The following GORASP1 variants were observed in gnomAD, a reference collection of about 807,000 sequenced individuals.
GORASP1 encodes the protein Golgi reassembly-stacking protein 1.
In GORASP1, 31 loss-of-function variants were observed where a neutral mutation model predicts 37.7. The observed-to-expected ratio is 0.82, with a 90% CI of 0.62 to 1.11. The LOEUF is 1.11. Ranked by LOEUF, GORASP1 falls within the 50% of genes least tolerant of loss-of-function variation. The pLI is 0.00. For missense variants in GORASP1, 476 were observed against 560.7 expected (o/e 0.85, Z 1.53); for synonymous variants, 204 against 224.8 (o/e 0.91, Z 0.83).
chr3:39,101,077 G>T lies in GORASP1; in HGVS notation c.374C>A (p.Ala125Asp). 6.2e-7 allele frequency: 1 copy of T among 1,614,146 alleles called. No homozygotes were observed. Among genetic ancestry groups the T allele is most frequent in the South Asian group, 1.1e-5 (1 of 91,084 alleles). The change falls in exon 4 of 9, where the codon GCC becomes GAC. Residue 125 changes from alanine (A) to aspartate (D), a missense_variant. Transcript: ENST00000319283. ...VLDVEPSSPAALAGLRPYTDY... is the reference protein window; with the variant it reads ...VLDVEPSSPADLAGLRPYTDY... Reference sequence around the variant, plus strand: ...TGTGTAGGGGCGCAGGCCGGCAAGGGCAGCAGGTGAAGATGGTTCCACATC... The same window carrying T: ...TGTGTAGGGGCGCAGGCCGGCAAGGTCAGCAGGTGAAGATGGTTCCACATC...
chr3:39,100,938 A>G lies in GORASP1; in HGVS notation c.436-61T>C. 1 of 1,613,682 alleles carries G rather than the reference A, an allele frequency of 6.2e-7. No homozygotes were observed. Among genetic ancestry groups the G allele is most frequent in the South Asian group, 1.1e-5 (1 of 91,080 alleles). ...AGGGCTAAAGCCTCAACAAAACCAG[A>G]CACTTCTCATGGACAGCACCCTTCT... On this transcript the variant is annotated intron_variant, in intron 4 of 8. Coordinates refer to ENST00000319283, the MANE Select transcript of GORASP1 (RefSeq NM_031899.4). The surrounding 1 kb of genome is among the most constrained non-coding windows in gnomAD (Gnocchi z 4.6).
Position 39,098,523 on chromosome 3 carries a change from C to T in GORASP1, c.1070-34G>A. The T allele has an allele frequency of 1.3e-6, 2 of 1,591,194 alleles. No homozygotes were observed. The highest frequency in any genetic ancestry group is 8.6e-7 in the Non-Finnish European group (1 of 1,167,952). On this transcript the variant is annotated intron_variant, in intron 8 of 8. Transcript: ENST00000319283. The surrounding 1 kb of genome is among the most constrained non-coding windows in gnomAD (Gnocchi z 4.7). ...CAGAAGATCAGGCTGAGGAGGTCTG[C>T]AAGAACCTAGGGCCATGGTGTTAGG...
Position 39,100,238 on chromosome 3 carries a change from T to C in GORASP1, c.765+67A>G. 2 of 1,426,466 alleles carry C rather than the reference T, an allele frequency of 1.4e-6. No homozygotes were observed. Among genetic ancestry groups the C allele is most frequent in the African/African-American group, 1.4e-5 (1 of 71,238 alleles). The allele number at this position is 1,426,466 out of a possible 1,614,324, so 88.4% of individuals were successfully genotyped here. A position where few individuals can be genotyped will look rare whatever the true frequency, so the allele number is the denominator to read the frequency against. On this transcript the variant is annotated intron_variant, in intron 6 of 8. Transcript: ENST00000319283. This position sits in a 1 kb window ranked among gnomAD's most constrained non-coding sequence, Gnocchi z 4.6. ...CACAAAGGCCCCTGGTGAGGGTTGCTGATGGCTCCCCAAGGGCAGCCTCTA... is the reference window on the plus strand; with the variant it reads ...CACAAAGGCCCCTGGTGAGGGTTGCCGATGGCTCCCCAAGGGCAGCCTCTA...
Position 39,103,389 on chromosome 3 carries a change from G to A in GORASP1, c.144+84C>T. 9.6e-7 allele frequency: 1 copy of A among 1,045,078 alleles called. No individual in the cohort carries two copies. The highest frequency in any genetic ancestry group is 2.1e-4 in the Middle Eastern group (1 of 4,726). 64.7% of individuals were successfully genotyped at this position (1,045,078 alleles called of 1,614,324 possible). On this transcript the variant is annotated intron_variant, in intron 2 of 8. Coordinates refer to ENST00000319283, the MANE Select transcript of GORASP1 (RefSeq NM_031899.4). This position sits in a 1 kb window ranked among gnomAD's most constrained non-coding sequence, Gnocchi z 5.2. ...CCCTTTAGAAAAAAAGGGAGGGAAG[G>A]GTAGACTGGGGCCCCCTGTGGGACA...
chr3:39,107,555 C>T lies in GORASP1; in HGVS notation c.-14G>A. ...GCCCAGGCCCATGGCAGCGGCTCCG[C>T]TCGGCACCCAGGTCCAGTCCCGCTG... On this transcript the variant is annotated 5_prime_UTR_variant, in exon 1 of 9. Coordinates refer to ENST00000319283, the MANE Select transcript of GORASP1 (RefSeq NM_031899.4). 6.7e-7 allele frequency: 1 copy of T among 1,489,898 alleles called. No individual in the cohort carries two copies. The highest frequency in any genetic ancestry group is 8.8e-7 in the Non-Finnish European group (1 of 1,130,508). The allele number at this position is 1,489,898 out of a possible 1,614,324, so 92.3% of individuals were successfully genotyped here. A position where few individuals can be genotyped will look rare whatever the true frequency, so the allele number is the denominator to read the frequency against.
At position 39,100,689 on chromosome 3, in the gene GORASP1, T is replaced by C; in HGVS notation, c.566+58A>G. ...CTCCACCATAGAACTCTGAGGTCCA[T>C]GCCCAATGGTCAGGCCCCACCCACC... is the stretch of plus-strand genomic sequence containing the variant. On this transcript the variant is annotated intron_variant, in intron 5 of 8. Transcript: ENST00000319283. This position sits in a 1 kb window ranked among gnomAD's most constrained non-coding sequence, Gnocchi z 4.6. 6.3e-7 allele frequency: 1 copy of C among 1,597,106 alleles called. No individual in the cohort carries two copies. The highest frequency in any genetic ancestry group is 8.5e-7 in the Non-Finnish European group (1 of 1,172,186).
chr3:39,100,370 G>A lies in GORASP1; in HGVS notation c.700C>T (p.Pro234Ser), dbSNP rs2035617532. The A allele has an allele frequency of 1.2e-6, 2 of 1,614,184 alleles. No homozygotes were observed. Among genetic ancestry groups the A allele is most frequent in the Non-Finnish European group, 1.7e-6 (2 of 1,180,022 alleles). ...GGAGAGTCCTCGGGGGTGGGTCCAG[G>A]TGGTAGAGCATCAGGTGGTGGGGCA... ...LGAPPPDALP[P>S]GPTPEDSPSL... Residue 234 changes from proline to serine, a missense_variant, in exon 6 of 9, where the codon CCT becomes TCT. Pro to Ser is a moderately conservative substitution (Grantham distance 74). Coordinates refer to ENST00000319283, the MANE Select transcript of GORASP1 (RefSeq NM_031899.4). This position sits in a 1 kb window ranked among gnomAD's most constrained non-coding sequence, Gnocchi z 4.6.
chr3:39,102,945 T>C lies in GORASP1; in HGVS notation c.145-64A>G, dbSNP rs1005259526. 4.7e-6 allele frequency: 7 copies of C among 1,505,278 alleles called. No individual in the cohort carries two copies. The African/African-American group carries it at 9.6e-5, about 21-fold the overall frequency. The allele number at this position is 1,505,278 out of a possible 1,614,324, so 93.2% of individuals were successfully genotyped here. A position where few individuals can be genotyped will look rare whatever the true frequency, so the allele number is the denominator to read the frequency against. On this transcript the variant is annotated intron_variant, in intron 2 of 8. Transcript: ENST00000319283. The surrounding 1 kb of genome is among the most constrained non-coding windows in gnomAD (Gnocchi z 5.0). ...GCCCAGGCTAGGACCCTCAGACAAG[T>C]CTGGGCCTGAGATGGGGCAAGGGCC...
chr3:39,106,197 G>C (rs1030278011), intron 1 of GORASP1, among the ~76,000 whole-genome samples: 4 of 152,072 alleles, frequency 2.6e-5, no homozygotes, highest in African/African-American at 9.7e-5. Context: ...TTTATCTCTA[G>C]AGCCTTAGAA....
chr3:39,098,661 C>T lies in GORASP1; in HGVS notation c.1069+80G>A. The T allele has an allele frequency of 6.4e-7, 1 of 1,557,434 alleles. No individual in the cohort carries two copies. ...GTATCAACCCGATGGCCCACTTCTG[C>T]CCAGCTGAGGAATTGAGGGCAGCCT... On this transcript the variant is annotated intron_variant, in intron 8 of 8. Coordinates refer to ENST00000319283, the MANE Select transcript of GORASP1 (RefSeq NM_031899.4). The surrounding 1 kb of genome is among the most constrained non-coding windows in gnomAD (Gnocchi z 4.7).
In GORASP1 at chr3:39,098,350, G is replaced by T; in HGVS notation, c.1209C>A (p.Ser403=). The change falls in exon 9 of 9, where the codon TCC becomes TCA. Residue 403 remains serine (S), a synonymous_variant. Coordinates refer to ENST00000319283, the MANE Select transcript of GORASP1 (RefSeq NM_031899.4). The surrounding 1 kb of genome is among the most constrained non-coding windows in gnomAD (Gnocchi z 4.7). Reference sequence around the variant, plus strand: ...CAGCCTGAGCTTCAAGCAGCTCGGCGGACAGCCCATCTTCTGGTGAGGCTG... The same window carrying T: ...CAGCCTGAGCTTCAAGCAGCTCGGCTGACAGCCCATCTTCTGGTGAGGCTG... ...TSAASPEDGL[S]AELLEAQAEE... 1.2e-6 allele frequency: 2 copies of T among 1,614,150 alleles called. No individual in the cohort carries two copies. The highest frequency in any genetic ancestry group is 4.5e-5 in the East Asian group (2 of 44,878).
chr3:39,100,969 C>G lies in GORASP1; in HGVS notation c.435+47G>C. The G allele has an allele frequency of 1.2e-6, 2 of 1,613,778 alleles. No individual in the cohort carries two copies. Among genetic ancestry groups the G allele is most frequent in the Non-Finnish European group, 1.7e-6 (2 of 1,179,620 alleles). On this transcript the variant is annotated intron_variant, in intron 4 of 8. Transcript: ENST00000319283. This position sits in a 1 kb window ranked among gnomAD's most constrained non-coding sequence, Gnocchi z 4.6. ...CTCATGGACAGCACCCTTCTCTTCA[C>G]ACCACATCCAGAGGGTCTGGGGAGG...
Position 39,098,079 on chromosome 3 carries a change from T to G in GORASP1, c.*157A>C. On this transcript the variant is annotated 3_prime_UTR_variant, in exon 9 of 9. Coordinates refer to ENST00000319283, the MANE Select transcript of GORASP1 (RefSeq NM_031899.4). This position sits in a 1 kb window ranked among gnomAD's most constrained non-coding sequence, Gnocchi z 4.7. ...CCTGAGGGTACACGGCCAAAAGATA[T>G]CCTCCCACAAGGCCCATGGCCCCCT... The G allele has an allele frequency of 3.6e-6, 3 of 832,726 alleles. No homozygotes were observed. 51.6% of individuals were successfully genotyped at this position (832,726 alleles called of 1,614,324 possible).
chr3:39,107,146 A>C, intron 1 of GORASP1: 1 of 520,504 alleles, frequency 1.9e-6, no homozygotes, highest in South Asian at 1.6e-5. Flanking sequence ...TGCTAAGTGC[A>C]CGAGTGCGTC....
intron 3 of GORASP1, among the ~76,000 whole-genome samples, chr3:39,101,783 A>G (rs977015076): frequency 6.6e-6 from 1 of 152,220 alleles, no homozygotes; most frequent in Non-Finnish European, 1.5e-5. Flanking sequence ...AGTGAGAAAA[A>G]TAAGTGGCTA....
chr3:39,107,377 G>T (rs2036260972), intron 1 of GORASP1, 102 bp downstream of exon 1: 7 of 768,520 alleles, frequency 9.1e-6, no homozygotes, highest in Middle Eastern at 4.4e-4. Context: ...AAACACTCGG[G>T]CCGGGACCCC....
intron 7 of GORASP1, 92 bp downstream of exon 7, chr3:39,099,261 G>A (rs1415659682): frequency 1.5e-6 from 2 of 1,360,440 alleles, no homozygotes; most frequent in Non-Finnish European, 2.1e-6. Flanking sequence ...TGAGATATGA[G>A]GGGTCAGCAA....
chr3:39,097,262 G>A lies in GORASP1; in HGVS notation c.*974C>T, dbSNP rs2035400654. 6.6e-6 allele frequency: 1 copy of A among 152,206 alleles called. No homozygotes were observed. Among genetic ancestry groups the A allele is most frequent in the South Asian group, 2.1e-4 (1 of 4,838 alleles). The allele number at this position is 152,206 out of a possible 1,614,324, so 9.4% of individuals were successfully genotyped here. ...CATAGTAATTAGCAGTGTGGGAACTGAGGGTCCAGTCAACACAGCAGAGGA... is the reference window on the plus strand; with the variant it reads ...CATAGTAATTAGCAGTGTGGGAACTAAGGGTCCAGTCAACACAGCAGAGGA... On this transcript the variant is annotated 3_prime_UTR_variant, in exon 9 of 9. Transcript: ENST00000319283.
In GORASP1 at chr3:39,099,479, A is replaced by C; in HGVS notation, c.790T>G (p.Ser264Ala). ...GGCCCAGGAAGGGGATCCTCCATGG[A>C]GGAGCCAGGTGCCTGCAGCAGGGCC... is the stretch of plus-strand genomic sequence containing the variant. ...MEALLQAPGS[S>A]MEDPLPGPGS... is the part of the protein sequence containing the mutation. The change falls in exon 7 of 9, where the codon TCC becomes GCC. Residue 264 changes from serine (S) to alanine (A), a missense_variant. By Grantham distance (99) the Ser-to-Ala change is moderately conservative (BLOSUM62 1). Transcript: ENST00000319283. 1 of 1,611,168 alleles carries C rather than the reference A, an allele frequency of 6.2e-7. No homozygotes were observed. The highest frequency in any genetic ancestry group is 8.5e-7 in the Non-Finnish European group (1 of 1,178,836).
Sources: gnomAD v4.1 joint callset for allele counts (sites outside exome capture counted in the v4.1 genomes callset) on GRCh38, gnomAD v4.1.1 for gene constraint, Gnocchi (gnomAD v3.1) non-coding constraint, MANE v1.5 for transcripts, NCBI Gene and HGNC (gene_info 2026-07-23, HGNC 2026-07-21) for gene names.